Variants in CD34 observed in about 807,000 individuals in gnomAD.
CD34 encodes the protein CD34 molecule.
CD34 carries 34 observed loss-of-function variants against 40.1 expected under a neutral mutation model. The observed-to-expected ratio is 0.85, with a 90% CI of 0.65 to 1.13. CD34 has a LOEUF of 1.13. CD34 is among the 50% of genes most tolerant of loss of function. The probability of loss-of-function intolerance (pLI) is 0.00; values close to 1 mark genes in which losing one functional copy is unlikely to be tolerated. For missense variants in CD34, 426 were observed against 466.9 expected (o/e 0.91, Z 0.81); for synonymous variants, 209 against 190.0 (o/e 1.10, Z -0.82).
chr1:207,909,597 T>G (rs897630075), intron 1 of CD34, among the ~76,000 whole-genome samples: 2 of 151,898 alleles, frequency 1.3e-5, no homozygotes, highest in African/African-American at 4.8e-5. Flanking sequence ...TTAGTAGAGA[T>G]GGGGTTTCAC....
In CD34 at chr1:207,885,298, G is replaced by C. The variant is rs1408357636; in HGVS notation, c.*2440C>G. 1.3e-5 allele frequency: 2 copies of C among 152,186 alleles called. No individual in the cohort carries two copies. The highest frequency in any genetic ancestry group is 2.9e-5 in the Non-Finnish European group (2 of 68,140). The allele number at this position is 152,186 out of a possible 1,614,324, so 9.4% of individuals were successfully genotyped here. A position where few individuals can be genotyped will look rare whatever the true frequency, so the allele number is the denominator to read the frequency against. On this transcript the variant is annotated 3_prime_UTR_variant, in exon 8 of 8. Coordinates refer to ENST00000310833, the MANE Select transcript of CD34 (RefSeq NM_001025109.2). The stretch of plus-strand genomic sequence containing the variant: ...GCTCAGGCCCACGGTGGGAAAGTTG[G>C]ATTTTTCCAGAAAGCAGGCAAATTC...
At chr1:207,895,468 G>A (rs2102299503) in intron 4 of CD34, among the ~76,000 whole-genome samples, 1 of 152,266 alleles carries the variant, frequency 6.6e-6, no homozygotes. Flanking sequence ...TTTGGCATAG[G>A]AACTGGAGGG....
rs143195596 is a variant in CD34, at chr1:207,895,323, C to T, written c.597+2170G>A. Among the ~76,000 whole-genome samples, 614 of 152,186 alleles carry T rather than the reference C, an allele frequency of 4.0e-3. 1 individual carries two copies. Among genetic ancestry groups the T allele is most frequent in the African/African-American group, 0.014 (576 of 41,510 alleles). Reference sequence around the variant, plus strand: ...CTTGGGGAGTAGCAGGAGGCTTTGCCGCATGGGGGCTGAGGATGAGGAGCC... The same window carrying T: ...CTTGGGGAGTAGCAGGAGGCTTTGCTGCATGGGGGCTGAGGATGAGGAGCC... On this transcript the variant is annotated intron_variant, in intron 4 of 7. Transcript: ENST00000310833.
chr1:207,897,648 T>C, intron 3 of CD34, 75 bp from the exon 4 acceptor site: 1 of 1,217,622 alleles, frequency 8.2e-7, no homozygotes, highest in East Asian at 2.5e-5. Context: ...CTTTCCCAAC[T>C]TTTTCCAGTT....
chr1:207,910,976 G>T, intron 1 of CD34, 26 bp downstream of exon 1: 1 of 1,557,646 alleles, frequency 6.4e-7, no homozygotes. Flanking sequence ...GAAGCCAAGC[G>T]GCCGCGGCGC....
chr1:207,900,713 C>T (rs1662257052), intron 1 of CD34, among the ~76,000 whole-genome samples: 1 of 152,178 alleles, frequency 6.6e-6, no homozygotes. Flanking sequence ...AACCAGGGAA[C>T]ACAAGGTCTG....
intron 1 of CD34, among the ~76,000 whole-genome samples, chr1:207,905,827 T>C (rs936799377): frequency 2.0e-5 from 3 of 152,260 alleles, no homozygotes; most frequent in African/African-American, 7.2e-5. Flanking sequence ...CTTCAGGCTA[T>C]GTATATAAGG....
intron 7 of CD34, chr1:207,888,183 G>T: frequency 6.3e-7 from 1 of 1,576,798 alleles, no homozygotes; most frequent in Non-Finnish European, 8.7e-7. Context: ...GCCAGCTCCC[G>T]CAGGAAAACG....
chr1:207,889,596 T>C lies in CD34; in HGVS notation c.623A>G (p.Glu208Gly). Residue 208 changes from glutamate to glycine, a missense_variant, in exon 5 of 8, where the codon GAG becomes GGG. Coordinates refer to ENST00000310833, the MANE Select transcript of CD34 (RefSeq NM_001025109.2). ...SCAEFKKDRG[E>G]GLARVLCGEE... ...CCCACACAGCACTCGGGCCAGGCCC[T>C]CTCCCCTGTCCTTCTTAAACTCCGC... The C allele has an allele frequency of 6.2e-7, 1 of 1,613,462 alleles. No individual in the cohort carries two copies. Among genetic ancestry groups the C allele is most frequent in the South Asian group, 1.1e-5 (1 of 90,976 alleles).
At chr1:207,899,744 G>A (rs765943758) in intron 2 of CD34, 77 bp downstream of exon 2, 47 of 1,287,794 alleles carry the variant, frequency 3.6e-5, no homozygotes, top group Non-Finnish European at 4.5e-5. Flanking sequence ...AGAGGGGAGC[G>A]GTCTGAAAAC....
intron 4 of CD34, among the ~76,000 whole-genome samples, chr1:207,895,305 A>T (rs1309472453): frequency 2.6e-5 from 4 of 152,198 alleles, no homozygotes; most frequent in Non-Finnish European, 5.9e-5. Context: ...TACCTTGGGG[A>T]GTAGCAGGAG....
At position 207,883,408 on chromosome 1, in the gene CD34, G is replaced by A. The variant is rs772023692; in HGVS notation, c.*4330C>T. On this transcript the variant is annotated 3_prime_UTR_variant, in exon 8 of 8. Transcript: ENST00000310833. ...GGTCCTGCCCACATCTAGATACAAAGCACTTCATTTAGTCTTTCCTCGTGT... is the reference window on the plus strand; with the variant it reads ...GGTCCTGCCCACATCTAGATACAAAACACTTCATTTAGTCTTTCCTCGTGT... 6.6e-5 allele frequency: 10 copies of A among 152,162 alleles called. No homozygotes were observed. The highest frequency in any genetic ancestry group is 1.3e-4 in the Non-Finnish European group (9 of 68,044). The allele number at this position is 152,162 out of a possible 1,614,324, so 9.4% of individuals were successfully genotyped here.
rs1269820122 is a variant in CD34, at chr1:207,887,179, A to T, written c.*559T>A. The T allele has an allele frequency of 6.5e-6, 1 of 154,488 alleles. No homozygotes were observed. The highest frequency in any genetic ancestry group is 2.4e-5 in the African/African-American group (1 of 41,438). The allele number at this position is 154,488 out of a possible 1,614,324, so 9.6% of individuals were successfully genotyped here. A position where few individuals can be genotyped will look rare whatever the true frequency, so the allele number is the denominator to read the frequency against. ...AGTGGAACTTAGAGAACAAGGGAGG[A>T]GCTGGTGACCAAGTCCACAGTGTCT... is the stretch of plus-strand genomic sequence containing the variant. On this transcript the variant is annotated 3_prime_UTR_variant, in exon 8 of 8. Coordinates refer to ENST00000310833, the MANE Select transcript of CD34 (RefSeq NM_001025109.2).
intron 7 of CD34, 149 bp from the exon 8 acceptor site, chr1:207,888,072 C>T: frequency 6.2e-7 from 1 of 1,613,604 alleles, no homozygotes; most frequent in Admixed American, 1.7e-5. Flanking sequence ...GGTGCAGCTG[C>T]ATGTGCAGAC....
At chr1:207,909,635 T>G (rs1472459115) in intron 1 of CD34, among the ~76,000 whole-genome samples, 1 of 152,108 alleles carries the variant, frequency 6.6e-6, no homozygotes, top group Non-Finnish European at 1.5e-5. Flanking sequence ...TCTCGATCTC[T>G]TGACCTCATG....
intron 4 of CD34, among the ~76,000 whole-genome samples, chr1:207,893,886 T>C (rs1027898961): frequency 6.6e-6 from 1 of 152,122 alleles, no homozygotes; most frequent in African/African-American, 2.4e-5. Flanking sequence ...CGCATACCCA[T>C]TAGGATGGCT....
intron 1 of CD34, among the ~76,000 whole-genome samples, chr1:207,902,143 T>C (rs1433434127): frequency 1.3e-5 from 2 of 152,210 alleles, no homozygotes; most frequent in Non-Finnish European, 2.9e-5. Context: ...CGTGTCTTAC[T>C]GTTATGTGTC....
At chr1:207,896,061 G>C (rs1383260268) in intron 4 of CD34, among the ~76,000 whole-genome samples, 3 of 152,176 alleles carry the variant, frequency 2.0e-5, no homozygotes, top group Non-Finnish European at 4.4e-5. Flanking sequence ...GTAAGTCAGA[G>C]AGACCCAACT....
At chr1:207,899,591 C>A (rs1052378661) in intron 2 of CD34, among the ~76,000 whole-genome samples, 1 of 152,222 alleles carries the variant, frequency 6.6e-6, no homozygotes, top group Admixed American at 6.5e-5. Flanking sequence ...GGTATGGAGG[C>A]ATTACTGATC....
Sources: gnomAD v4.1 joint callset for allele counts (sites outside exome capture counted in the v4.1 genomes callset) on GRCh38, gnomAD v4.1.1 for gene constraint, MANE v1.5 for transcripts, NCBI Gene and HGNC (gene_info 2026-07-23, HGNC 2026-07-21) for gene names.